The following KCTD7 variants were observed in gnomAD, a reference collection of about 807,000 sequenced individuals.
KCTD7 encodes the protein potassium channel tetramerization domain containing 7.
Under a neutral mutation model 27.0 loss-of-function variants are expected in KCTD7, and 15 were observed. The observed-to-expected ratio is 0.56, with a 90% CI of 0.37 to 0.86. KCTD7 has a LOEUF of 0.86. Ranked by LOEUF, KCTD7 falls within the 40% of genes least tolerant of loss-of-function variation. KCTD7 has a pLI of 0.00. For synonymous variants in KCTD7, 159 were observed against 162.7 expected (o/e 0.98, Z 0.17); for missense variants, 299 against 398.9 (o/e 0.75, Z 2.13).
chr7:66,628,987 G>A lies in KCTD7; in HGVS notation c.-78G>A. ...CGCAGCCGGCCGCGTCATGCCAGGC[G>A]CTGCTCGGCGGTAGGGAGTGCCCGG... On this transcript the variant is annotated 5_prime_UTR_variant, in exon 1 of 4. Coordinates refer to ENST00000639828, the MANE Select transcript of KCTD7 (RefSeq NM_153033.5). 2.1e-6 allele frequency: 3 copies of A among 1,401,014 alleles called. No homozygotes were observed. Among genetic ancestry groups the A allele is most frequent in the African/African-American group, 1.5e-5 (1 of 66,536 alleles). The allele number at this position is 1,401,014 out of a possible 1,614,324, so 86.8% of individuals were successfully genotyped here. A position where few individuals can be genotyped will look rare whatever the true frequency, so the allele number is the denominator to read the frequency against.
chr7:66,633,439 C>T lies in KCTD7; in HGVS notation c.309C>T (p.His103=). The T allele has an allele frequency of 6.2e-7, 1 of 1,614,148 alleles. No homozygotes were observed. The highest frequency in any genetic ancestry group is 8.5e-7 in the Non-Finnish European group (1 of 1,180,024). The change falls in exon 2 of 4, where the codon CAC becomes CAT. Residue 103 remains histidine, a synonymous_variant. Coordinates refer to ENST00000639828, the MANE Select transcript of KCTD7 (RefSeq NM_153033.5). ...GRYFIDRDGT[H]FGDVLNFLRS... ...ACTTCATCGACCGAGATGGCACACA[C>T]TTTGGGTATGTCTCTCCCTCTACAA...
At position 66,637,604 on chromosome 7, in the gene KCTD7, T is replaced by A. The variant is rs544681095; in HGVS notation, c.315-649T>A. On this transcript the variant is annotated intron_variant, in intron 2 of 3. Coordinates refer to ENST00000639828, the MANE Select transcript of KCTD7 (RefSeq NM_153033.5). ...TGGTGGATACATTTCAAAAACATTA[T>A]GTTAAAGGAAAGAAGCCAGGTATGA... is the stretch of plus-strand genomic sequence containing the variant. 4.9e-4 allele frequency among the ~76,000 whole-genome samples: 74 copies of A among 152,320 alleles called. 2 individuals are homozygous for A. Among genetic ancestry groups the A allele is most frequent in the Admixed American group, 2.6e-4 (4 of 15,282 alleles).
chr7:66,642,079 C>G lies in KCTD7; in HGVS notation c.*2847C>G, dbSNP rs1159418960. The G allele has an allele frequency of 9.1e-6, 9 of 985,290 alleles. No homozygotes were observed. The highest frequency in any genetic ancestry group is 1.7e-5 in the African/African-American group (1 of 57,236). The allele number at this position is 985,290 out of a possible 1,614,324, so 61.0% of individuals were successfully genotyped here. ...GTGAGTCAAAGCAAAGTGAAAGTTTCAGGAGATGGGACCAATGGTGCAATG... is the reference window on the plus strand; with the variant it reads ...GTGAGTCAAAGCAAAGTGAAAGTTTGAGGAGATGGGACCAATGGTGCAATG... On this transcript the variant is annotated 3_prime_UTR_variant, in exon 4 of 4. Coordinates refer to ENST00000639828, the MANE Select transcript of KCTD7 (RefSeq NM_153033.5).
At chr7:66,633,088 G>A (rs1485890734) in intron 1 of KCTD7, among the ~76,000 whole-genome samples, 187 bp from the exon 2 acceptor site, 6 of 151,992 alleles carry the variant, frequency 3.9e-5, no homozygotes, top group East Asian at 1.9e-4. Context: ...GTTAGAATGG[G>A]TAGGACTTGG....
rs1350007702 is a variant in KCTD7, at chr7:66,641,811, C to T, written c.*2579C>T. 4.1e-6 allele frequency: 4 copies of T among 985,336 alleles called. No homozygotes were observed. The highest frequency in any genetic ancestry group is 4.8e-6 in the Non-Finnish European group (4 of 829,952). 61.0% of individuals were successfully genotyped at this position (985,336 alleles called of 1,614,324 possible). A position where few individuals can be genotyped will look rare whatever the true frequency, so the allele number is the denominator to read the frequency against. The stretch of plus-strand genomic sequence containing the variant: ...TGTGGTGGATTGTGGTAACGGCCTC[C>T]AGATAAAGGGGTTATCCCTGTGGAA... On this transcript the variant is annotated 3_prime_UTR_variant, in exon 4 of 4. Coordinates refer to ENST00000639828, the MANE Select transcript of KCTD7 (RefSeq NM_153033.5).
chr7:66,641,701 T>G lies in KCTD7; in HGVS notation c.*2469T>G, dbSNP rs571134300. 6.7e-5 allele frequency: 66 copies of G among 985,430 alleles called. No individual in the cohort carries two copies. The African/African-American group carries it at 1.1e-3, about 17-fold the overall frequency. 61.0% of individuals were successfully genotyped at this position (985,430 alleles called of 1,614,324 possible). ...CACTGGGCAGCAAGCTGAGAGCTCT[T>G]TCTAAATGGAGTGAAGGAATTCAGT... On this transcript the variant is annotated 3_prime_UTR_variant, in exon 4 of 4. Coordinates refer to ENST00000639828, the MANE Select transcript of KCTD7 (RefSeq NM_153033.5).
At position 66,640,587 on chromosome 7, in the gene KCTD7, C is replaced by T; in HGVS notation, c.*1355C>T. 1 of 1,401,492 alleles carries T rather than the reference C, an allele frequency of 7.1e-7. No homozygotes were observed. Among genetic ancestry groups the T allele is most frequent in the South Asian group, 1.7e-5 (1 of 58,578 alleles). The allele number at this position is 1,401,492 out of a possible 1,614,324, so 86.8% of individuals were successfully genotyped here. Reference sequence around the variant, plus strand: ...CTAATCATGATTGTACCTGTCTCTTCCTGGGTAAAGGGAGATTTTTTTTTT... The same window carrying T: ...CTAATCATGATTGTACCTGTCTCTTTCTGGGTAAAGGGAGATTTTTTTTTT... On this transcript the variant is annotated 3_prime_UTR_variant, in exon 4 of 4. Coordinates refer to ENST00000639828, the MANE Select transcript of KCTD7 (RefSeq NM_153033.5).
chr7:66,630,970 T>G (rs1786428722), intron 1 of KCTD7, among the ~76,000 whole-genome samples: 13 of 152,212 alleles, frequency 8.5e-5, no homozygotes. Flanking sequence ...TGTTAAGTAT[T>G]ATTATTCCAA....
Position 66,638,318 on chromosome 7 carries a change from A to G in KCTD7, c.380A>G (p.Lys127Arg), listed in dbSNP as rs765083971. The part of the protein sequence containing the change: ...PPRERVRAVY[K>R]EAQYYAIGPL... ...AGGGAGCGTGTTCGAGCTGTGTACA[A>G]AGAGGCCCAGTACTATGCCATCGGG... The change falls in exon 3 of 4, where the codon AAA (lysine) becomes AGA (arginine). Residue 127 changes from lysine to arginine, a missense_variant. Lys to Arg is a conservative substitution (Grantham distance 26, BLOSUM62 2). Transcript: ENST00000639828. 6.2e-6 allele frequency: 10 copies of G among 1,614,100 alleles called. No individual in the cohort carries two copies. Among genetic ancestry groups the G allele is most frequent in the East Asian group, 4.5e-5 (2 of 44,898 alleles).
chr7:66,642,042 C>T lies in KCTD7; in HGVS notation c.*2810C>T, dbSNP rs1786730857. Reference sequence around the variant, plus strand: ...GGATTCATCTTGCCTTGAGACGGGCCAGTAGTTATCAGTGAGTCAAAGCAA... The same window carrying T: ...GGATTCATCTTGCCTTGAGACGGGCTAGTAGTTATCAGTGAGTCAAAGCAA... On this transcript the variant is annotated 3_prime_UTR_variant, in exon 4 of 4. Coordinates refer to ENST00000639828, the MANE Select transcript of KCTD7 (RefSeq NM_153033.5). 3 of 985,238 alleles carry T rather than the reference C, an allele frequency of 3.0e-6. No homozygotes were observed. The highest frequency in any genetic ancestry group is 6.2e-5 in the Admixed American group (1 of 16,254). The allele number at this position is 985,238 out of a possible 1,614,324, so 61.0% of individuals were successfully genotyped here.
Position 66,639,934 on chromosome 7 carries a change from A to G in KCTD7, c.*702A>G. On this transcript the variant is annotated 3_prime_UTR_variant, in exon 4 of 4. Transcript: ENST00000639828. ...CTGTCTTAGGGCCGCGGCTTCTCTTATCTTCCACCACCTTCCTTGCTTGCA... is the reference window on the plus strand; with the variant it reads ...CTGTCTTAGGGCCGCGGCTTCTCTTGTCTTCCACCACCTTCCTTGCTTGCA... The G allele has an allele frequency of 8.0e-7, 1 of 1,246,518 alleles. No homozygotes were observed. The highest frequency in any genetic ancestry group is 1.0e-6 in the Non-Finnish European group (1 of 997,196). 77.2% of individuals were successfully genotyped at this position (1,246,518 alleles called of 1,614,324 possible).
chr7:66,628,948 C>G lies in KCTD7; in HGVS notation c.-117C>G, dbSNP rs1234207972. ...CCCGCCTGCGCACTGCCTCTCGCCC[C>G]CCTCCGGCCAGCCCGCAGCCGGCCG... is the stretch of plus-strand genomic sequence containing the variant. On this transcript the variant is annotated 5_prime_UTR_variant, in exon 1 of 4. Transcript: ENST00000639828. 2 of 1,068,784 alleles carry G rather than the reference C, an allele frequency of 1.9e-6. No homozygotes were observed. Among genetic ancestry groups the G allele is most frequent in the East Asian group, 3.4e-5 (1 of 29,290 alleles). The allele number at this position is 1,068,784 out of a possible 1,614,324, so 66.2% of individuals were successfully genotyped here.
At chr7:66,629,279 G>T (rs1308817488) in intron 1 of KCTD7, 71 bp downstream of exon 1, 1 of 1,089,634 alleles carries the variant, frequency 9.2e-7, no homozygotes. Flanking sequence ...GGGGCATAGC[G>T]GTCCTCGGCG....
At position 66,642,116 on chromosome 7, in the gene KCTD7, A is replaced by G. The variant is rs1786732697; in HGVS notation, c.*2884A>G. 1 of 985,472 alleles carries G rather than the reference A, an allele frequency of 1.0e-6. No individual in the cohort carries two copies. The highest frequency in any genetic ancestry group is 1.2e-6 in the Non-Finnish European group (1 of 829,942). The allele number at this position is 985,472 out of a possible 1,614,324, so 61.0% of individuals were successfully genotyped here. ...CCAATGGTGCAATGCTCGCCATAAC[A>G]AAATTCCTTAAAAATAAAAAAGCTA... On this transcript the variant is annotated 3_prime_UTR_variant, in exon 4 of 4. Transcript: ENST00000639828.
intron 2 of KCTD7, among the ~76,000 whole-genome samples, chr7:66,637,663 A>G (rs1345223249): frequency 6.6e-6 from 1 of 152,220 alleles, no homozygotes; most frequent in Non-Finnish European, 1.5e-5. Context: ...GTTTATATAT[A>G]TATTTCAAGA....
At position 66,643,013 on chromosome 7, in the gene KCTD7, G is replaced by A. The variant is rs1306656032; in HGVS notation, c.*3781G>A. On this transcript the variant is annotated 3_prime_UTR_variant, in exon 4 of 4. Transcript: ENST00000639828. Reference sequence around the variant, plus strand: ...GAGTGCTTTGGTGTATTGAGCCTCAGTACACTCCAAGGGCATTAAAGTCAA... The same window carrying A: ...GAGTGCTTTGGTGTATTGAGCCTCAATACACTCCAAGGGCATTAAAGTCAA... 11 of 985,250 alleles carry A rather than the reference G, an allele frequency of 1.1e-5. No individual in the cohort carries two copies. Among genetic ancestry groups the A allele is most frequent in the Non-Finnish European group, 1.3e-5 (11 of 829,884 alleles). 61.0% of individuals were successfully genotyped at this position (985,250 alleles called of 1,614,324 possible).
At position 66,642,254 on chromosome 7, in the gene KCTD7, C is replaced by T; in HGVS notation, c.*3022C>T. On this transcript the variant is annotated 3_prime_UTR_variant, in exon 4 of 4. Transcript: ENST00000639828. ...ATAAATGGAAGGAATCATCACCTTC[C>T]TTATTTTACCTCTGCCTTGTTCACC... 2 of 985,420 alleles carry T rather than the reference C, an allele frequency of 2.0e-6. No homozygotes were observed. The highest frequency in any genetic ancestry group is 1.2e-6 in the Non-Finnish European group (1 of 829,912). The allele number at this position is 985,420 out of a possible 1,614,324, so 61.0% of individuals were successfully genotyped here. A position where few individuals can be genotyped will look rare whatever the true frequency, so the allele number is the denominator to read the frequency against.
chr7:66,638,482 G>A (rs191592577), intron 3 of KCTD7, 51 bp downstream of exon 3: 6 of 1,585,734 alleles, frequency 3.8e-6, no homozygotes. Flanking sequence ...GGTCTGCAAG[G>A]CATCTGTGAG....
rs769912440 is a variant in KCTD7 at position 66,638,860 on chromosome 7, C to G, written c.498C>G (p.His166Gln). Reference sequence around the variant, plus strand: ...GTGTTGTGTTCATCCTTATAGACCACTTGGAGCGGATTGTGGAGATCGCCC... The same window carrying G: ...GTGTTGTGTTCATCCTTATAGACCAGTTGGAGCGGATTGTGGAGATCGCCC... ...FLGLMPYYKDHLERIVEIARL... is the reference protein window; with the variant it reads ...FLGLMPYYKDQLERIVEIARL... The change falls in exon 4 of 4, where the codon CAC (histidine) becomes CAG (glutamine). Residue 166 changes from histidine (H) to glutamine (Q), a missense_variant. His to Gln is a conservative substitution (Grantham distance 24). Transcript: ENST00000639828. 3.1e-6 allele frequency: 5 copies of G among 1,614,110 alleles called. No homozygotes were observed. In the East Asian group the frequency reaches 1.1e-4, roughly 36 times the overall value.
Sources: allele counts gnomAD v4.1 joint callset (sites outside exome capture counted in the v4.1 genomes callset), GRCh38; gene constraint gnomAD v4.1.1; transcripts MANE v1.5; gene names NCBI Gene and HGNC (gene_info 2026-07-23, HGNC 2026-07-21).